The following SHROOM3 variants were observed in gnomAD, a reference collection of about 807,000 sequenced individuals.
The protein encoded by SHROOM3 is protein Shroom3.
A neutral mutation model predicts 138.6 loss-of-function variants in SHROOM3; 47 were observed. That is an observed-to-expected ratio of 0.34 (90% CI 0.27 to 0.43). The LOEUF is 0.43. Ranked by LOEUF, SHROOM3 falls within the 20% of genes least tolerant of loss-of-function variation. The pLI, the probability that SHROOM3 is intolerant of heterozygous loss-of-function variation, is 1.00. For synonymous variants in SHROOM3, 1,062 were observed against 1,063.3 expected (o/e 1.00, Z 0.02); for missense variants, 2,491 against 2,596.5 (o/e 0.96, Z 0.88).
chr4:76,463,557 A>G (rs1731185612), intron 1 of SHROOM3, among the ~76,000 whole-genome samples: 1 of 152,240 alleles, frequency 6.6e-6, no homozygotes, highest in Admixed American at 6.5e-5. Flanking sequence ...GAGGAGCCCA[A>G]TGTTAATAGC....
intron 1 of SHROOM3, chr4:76,509,189 T>G (rs1167223250): frequency 6.6e-6 from 1 of 152,202 alleles, no homozygotes; most frequent in Non-Finnish European, 1.5e-5. Context: ...TTTTTGAAGC[T>G]ATTATAAATG....
At chr4:76,501,018 A>G (rs4447885) in intron 1 of SHROOM3, among the ~76,000 whole-genome samples, 62,814 of 151,912 alleles carry the variant, frequency 0.41, 14,694 homozygotes, top group Non-Finnish European at 0.52. Flanking sequence ...GAATCTTGCT[A>G]TTTGCTCAGG....
chr4:76,600,699 G>T (rs1012758225), intron 2 of SHROOM3, among the ~76,000 whole-genome samples: 3 of 152,022 alleles, frequency 2.0e-5, no homozygotes, highest in Non-Finnish European at 2.9e-5. Flanking sequence ...ATTGCCCATA[G>T]GTGCAATATG....
intron 2 of SHROOM3, among the ~76,000 whole-genome samples, chr4:76,565,834 A>G: frequency 6.6e-6 from 1 of 152,084 alleles, no homozygotes; most frequent in East Asian, 1.9e-4. Flanking sequence ...CGCCTCAAGA[A>G]AAAGGCTGGG....
chr4:76,486,467 A>G (rs1433073515), intron 1 of SHROOM3, among the ~76,000 whole-genome samples: 1 of 152,244 alleles, frequency 6.6e-6, no homozygotes, highest in African/African-American at 2.4e-5. Flanking sequence ...CCTGTTGGGA[A>G]TAAACCCTGT....
At chr4:76,765,205 T>C (rs1722112032) in intron 9 of SHROOM3, among the ~76,000 whole-genome samples, 1 of 152,006 alleles carries the variant, frequency 6.6e-6, no homozygotes. Flanking sequence ...AAGGTCTCTT[T>C]TTAAAGTTGT....
chr4:76,771,277 C>G (rs1284614220), intron 10 of SHROOM3, among the ~76,000 whole-genome samples: 3 of 151,838 alleles, frequency 2.0e-5, no homozygotes, highest in African/African-American at 7.3e-5. Context: ...ACTCAGGAGG[C>G]TGAGGCAGGA....
At chr4:76,730,719 G>A (rs542223360) in intron 3 of SHROOM3, 85 bp from the exon 4 acceptor site, 29 of 1,586,542 alleles carry the variant, frequency 1.8e-5, no homozygotes, top group Middle Eastern at 2.1e-4. Context: ...AGCAGTCTTC[G>A]CTTCCAAATC....
At chr4:76,545,592 C>T (rs1346722358) in intron 1 of SHROOM3, among the ~76,000 whole-genome samples, 2 of 152,180 alleles carry the variant, frequency 1.3e-5, no homozygotes, top group Non-Finnish European at 2.9e-5. Context: ...TCCTCTTGGT[C>T]TCATGCATGC....
At chr4:76,641,958 A>G (rs143691234) in intron 2 of SHROOM3, among the ~76,000 whole-genome samples, 1 of 152,288 alleles carries the variant, frequency 6.6e-6, no homozygotes, top group African/African-American at 2.4e-5. Flanking sequence ...GAGCTTAAGT[A>G]GGACAGGATC....
At chr4:76,568,079 A>T (rs981040075) in intron 2 of SHROOM3, among the ~76,000 whole-genome samples, 2 of 152,086 alleles carry the variant, frequency 1.3e-5, no homozygotes, top group Non-Finnish European at 2.9e-5. Flanking sequence ...TCTGTCACAC[A>T]TACTAGAATA....
At chr4:76,475,984 TA>T (rs543411056) in intron 1 of SHROOM3, among the ~76,000 whole-genome samples, 141 of 152,356 alleles carry the variant, frequency 9.3e-4, no homozygotes, top group African/African-American at 3.3e-3. Context: ...TACTGTTTTT[TA>T]AAAAAATTCT....
At chr4:76,751,338 T>C (rs1721616747) in intron 6 of SHROOM3, among the ~76,000 whole-genome samples, 1 of 152,206 alleles carries the variant, frequency 6.6e-6, no homozygotes, top group Non-Finnish European at 1.5e-5. Flanking sequence ...TCAGTTTTCC[T>C]CCATGCTGAC....
intron 4 of SHROOM3, among the ~76,000 whole-genome samples, chr4:76,731,454 C>A (rs760270632): frequency 2.1e-4 from 32 of 152,086 alleles, no homozygotes; most frequent in Non-Finnish European, 4.1e-4. Context: ...AAAACAGATA[C>A]AGTAGTATTA....
chr4:76,541,811 C>G (rs1733107728), intron 1 of SHROOM3, among the ~76,000 whole-genome samples: 1 of 152,086 alleles, frequency 6.6e-6, no homozygotes, highest in South Asian at 2.1e-4. Flanking sequence ...GTTCAAACAC[C>G]AGGAACACAA....
intron 2 of SHROOM3, among the ~76,000 whole-genome samples, chr4:76,677,677 T>C (rs1719079242): frequency 1.3e-5 from 2 of 152,222 alleles, no homozygotes; most frequent in South Asian, 2.1e-4. Context: ...GACTCTGTTA[T>C]CTTCTTGCCT....
At chr4:76,461,650 G>A (rs1197225863) in intron 1 of SHROOM3, among the ~76,000 whole-genome samples, 3 of 152,194 alleles carry the variant, frequency 2.0e-5, no homozygotes, top group Non-Finnish European at 2.9e-5. Flanking sequence ...ATAGTTCTGA[G>A]ACAGCAGTGT....
chr4:76,633,389 C>T (rs1354403272), intron 2 of SHROOM3, among the ~76,000 whole-genome samples: 1 of 149,954 alleles, frequency 6.7e-6, no homozygotes, highest in Non-Finnish European at 1.5e-5. Context: ...TGTTAACTGG[C>T]CGGGCGTGGT....
At chr4:76,657,203 C>CTATA (rs3045187) in intron 2 of SHROOM3, among the ~76,000 whole-genome samples, 1 of 151,022 alleles carries the variant, frequency 6.6e-6, no homozygotes, top group African/African-American at 2.4e-5. Flanking sequence ...CTCTCTCTCT[C>CTATA]TATATATATA....
Sources: allele counts gnomAD v4.1 joint callset (sites outside exome capture counted in the v4.1 genomes callset), GRCh38; gene constraint gnomAD v4.1.1; transcripts MANE v1.5; gene names NCBI Gene and HGNC (gene_info 2026-07-23, HGNC 2026-07-21).